OR14I1: variants seen among roughly 807,000 people sequenced by gnomAD.
OR14I1 encodes olfactory receptor 14I1.
For missense variants in OR14I1, 279 were observed against 181.8 expected, an observed-to-expected ratio of 1.53 and a Z score of -3.07; for synonymous variants, 118 against 71.1, an observed-to-expected ratio of 1.66 and a Z score of -3.32.
At chr1:248,697,130 G>C in the OR14I1 span, 1 of 152,192 alleles carries the variant, frequency 6.6e-6, no homozygotes, top group Non-Finnish European at 1.5e-5. Context: ...GTGCAAGGAA[G>C]GAAATGCGAT....
the OR14I1 span, among the ~76,000 whole-genome samples, chr1:248,702,753 C>G: frequency 1.3e-5 from 2 of 152,142 alleles, no homozygotes; most frequent in South Asian, 2.1e-4. Context: ...TGCTGTTCTC[C>G]TAGTGCTCTG....
chr1:248,693,988 G>A, the OR14I1 span, among the ~76,000 whole-genome samples: 1 of 151,748 alleles, frequency 6.6e-6, no homozygotes, highest in Non-Finnish European at 1.5e-5. Flanking sequence ...CTATCAGTCT[G>A]CATGTGGCAC....
At chr1:248,679,448 C>T (rs1661524167), downstream of OR14I1, among the ~76,000 whole-genome samples, 1 of 151,598 alleles carries the variant, frequency 6.6e-6, no homozygotes, top group African/African-American at 2.4e-5. Context: ...TGTAATATAG[C>T]TATATGCTAT....
At chr1:248,679,292 A>G (rs1052320626), downstream of OR14I1, among the ~76,000 whole-genome samples, 1 of 152,112 alleles carries the variant, frequency 6.6e-6, no homozygotes, top group Non-Finnish European at 1.5e-5. Flanking sequence ...AAAAATTAGA[A>G]TAATGTTAAT....
At chr1:248,682,316 A>G (rs777867007) in exon 1 of OR14I1, 28 of 719,322 alleles carry the variant, frequency 3.9e-5, no homozygotes, top group Non-Finnish European at 7.1e-5. Flanking sequence ...TGGCAGGGAA[A>G]TCTGTGATCT....
chr1:248,690,627 C>CCGGAA, the OR14I1 span, among the ~76,000 whole-genome samples: 1 of 127,362 alleles, frequency 7.9e-6, no homozygotes, highest in Non-Finnish European at 1.6e-5. Context: ...AAAAAAAGCC[C>CCGGAA]AGGAACAGAC....
downstream of OR14I1, among the ~76,000 whole-genome samples, chr1:248,679,144 G>A (rs957128608): frequency 2.0e-5 from 3 of 152,106 alleles, no homozygotes; most frequent in African/African-American, 7.2e-5. Flanking sequence ...AGGGGCTCTG[G>A]ATCAAGAAAA....
At chr1:248,680,021 G>A (rs1661532176), downstream of OR14I1, among the ~76,000 whole-genome samples, 2 of 152,152 alleles carry the variant, frequency 1.3e-5, no homozygotes, top group Admixed American at 1.3e-4. Flanking sequence ...CACATATTAA[G>A]CATTCAAGTA....
Position 248,681,580 on chromosome 1 carries a change from T to TG in OR14I1, c.724dup (p.Gln242ProfsTer48), listed in dbSNP as rs779782058. 1.3e-5 allele frequency: 10 copies of TG among 780,808 alleles called. No homozygotes were observed. Among genetic ancestry groups the TG allele is most frequent in the Non-Finnish European group, 2.2e-5 (9 of 418,106 alleles). The allele number at this position is 780,808 out of a possible 1,614,324, so 48.4% of individuals were successfully genotyped here. ...AAGAAAGAGCATGATGACAATGAGC[T>TG]GGGGGGAGCAGGTGGAGAAGGCTTT... On this transcript the variant is annotated frameshift_variant, in exon 1 of 1. Coordinates refer to ENST00000342623, the Ensembl canonical transcript of OR14I1. LOFTEE classifies it low-confidence loss of function (END_TRUNC).
chr1:248,701,337 A>G, the OR14I1 span, among the ~76,000 whole-genome samples: 2 of 151,704 alleles, frequency 1.3e-5, no homozygotes, highest in East Asian at 3.9e-4. Context: ...TTTTTTAAGT[A>G]GAGACGGGGT....
chr1:248,696,677 T>A, the OR14I1 span, among the ~76,000 whole-genome samples: 1 of 152,222 alleles, frequency 6.6e-6, no homozygotes, highest in Admixed American at 6.5e-5. Flanking sequence ...AAAATGTCCC[T>A]TTTTCTGTGA....
chr1:248,681,684 T>C (rs757916487), exon 1 of OR14I1: 17 of 780,800 alleles, frequency 2.2e-5, no homozygotes, highest in South Asian at 2.1e-4. Context: ...GAATAAAGCA[T>C]CCCAGAACCA....
exon 1 of OR14I1, chr1:248,681,926 G>A: frequency 1.3e-6 from 1 of 781,022 alleles, no homozygotes; most frequent in Non-Finnish European, 2.4e-6. Flanking sequence ...TATTGGAGGG[G>A]GTGGCAAATG....
At chr1:248,688,833 T>C in the OR14I1 span, among the ~76,000 whole-genome samples, 3 of 152,234 alleles carry the variant, frequency 2.0e-5, no homozygotes, top group Non-Finnish European at 4.4e-5. Context: ...GACTCATTCT[T>C]ACAAATGTTT....
At chr1:248,689,353 A>G in the OR14I1 span, among the ~76,000 whole-genome samples, 1 of 152,196 alleles carries the variant, frequency 6.6e-6, no homozygotes, top group Non-Finnish European at 1.5e-5. Context: ...GATTCAAAAA[A>G]CACATGATAT....
At chr1:248,688,572 C>T in the OR14I1 span, among the ~76,000 whole-genome samples, 3 of 152,220 alleles carry the variant, frequency 2.0e-5, no homozygotes, top group Non-Finnish European at 4.4e-5. Context: ...GCCTGACTCA[C>T]CATGGTTACT....
At chr1:248,678,674 C>T (rs372930347), downstream of OR14I1, among the ~76,000 whole-genome samples, 1 of 152,082 alleles carries the variant, frequency 6.6e-6, no homozygotes, top group African/African-American at 2.4e-5. Flanking sequence ...AATTCTAAAT[C>T]CAGCTAAAGT....
At chr1:248,700,247 TA>T in the OR14I1 span, among the ~76,000 whole-genome samples, 1 of 152,228 alleles carries the variant, frequency 6.6e-6, no homozygotes, top group Admixed American at 6.5e-5. Context: ...TACTATTTTT[TA>T]AAATAACTGA....
the OR14I1 span, among the ~76,000 whole-genome samples, chr1:248,688,521 G>A: frequency 6.6e-6 from 1 of 152,346 alleles, no homozygotes; most frequent in East Asian, 1.9e-4. Flanking sequence ...AAAATACTAA[G>A]TGGGTGGAAC....
Sources: gnomAD v4.1 joint callset for allele counts (sites outside exome capture counted in the v4.1 genomes callset) on GRCh38, gnomAD v4.1.1 for gene constraint, MANE v1.5 for transcripts, NCBI Gene and HGNC (gene_info 2026-07-23, HGNC 2026-07-21) for gene names.